The following KCNH8 variants were observed in gnomAD, a reference collection of about 807,000 sequenced individuals.
KCNH8 encodes potassium voltage-gated channel subfamily H member 8.
In KCNH8, 70 loss-of-function variants were observed where a neutral mutation model predicts 103.6. The ratio of observed to expected loss-of-function variants is 0.68; its 90% CI spans 0.56 to 0.82. KCNH8 has a LOEUF of 0.82. KCNH8 is among the 40% of genes least tolerant of loss of function. The probability of loss-of-function intolerance (pLI) is 0.00; values close to 1 mark genes in which losing one functional copy is unlikely to be tolerated. For synonymous variants in KCNH8, 498 were observed against 489.4 expected (o/e 1.02, Z -0.23); for missense variants, 1,217 against 1,329.9 (o/e 0.92, Z 1.32).
chr3:19,223,148 T>A (rs2063894069), intron 1 of KCNH8, among the ~76,000 whole-genome samples: 1 of 152,204 alleles, frequency 6.6e-6, no homozygotes, highest in Admixed American at 6.5e-5. Flanking sequence ...AATTATTATT[T>A]AATACTTGGG....
At chr3:19,436,825 G>T (rs928930037) in intron 7 of KCNH8, among the ~76,000 whole-genome samples, 5 of 152,128 alleles carry the variant, frequency 3.3e-5, no homozygotes, top group African/African-American at 9.7e-5. Context: ...TAAATGATAT[G>T]CAAAGTGATT....
chr3:19,493,461 C>T (rs949316189), intron 11 of KCNH8, among the ~76,000 whole-genome samples: 4 of 152,102 alleles, frequency 2.6e-5, no homozygotes, highest in Admixed American at 6.6e-5. Flanking sequence ...TTTTCCTGTG[C>T]TCTCACACAC....
At chr3:19,364,483 C>T (rs1265224058) in intron 5 of KCNH8, among the ~76,000 whole-genome samples, 1 of 152,104 alleles carries the variant, frequency 6.6e-6, no homozygotes, top group Non-Finnish European at 1.5e-5. Flanking sequence ...TTATATTGAG[C>T]ATTGATCTTT....
At chr3:19,456,729 C>CT (rs747180293) in intron 10 of KCNH8, 39 bp from the exon 11 acceptor site, 56,009 of 977,018 alleles carry the variant, frequency 0.057, no homozygotes, top group Non-Finnish European at 0.062. Flanking sequence ...CCTAAGCTTG[C>CT]TTTTTTTTTT....
chr3:19,167,078 G>A (rs1446089123), intron 1 of KCNH8, among the ~76,000 whole-genome samples: 1 of 152,124 alleles, frequency 6.6e-6, no homozygotes, highest in Non-Finnish European at 1.5e-5. Flanking sequence ...TCCTTTATTT[G>A]TTCCTCATAG....
At chr3:19,452,747 T>G (rs1333378465) in intron 10 of KCNH8, among the ~76,000 whole-genome samples, 4 of 152,208 alleles carry the variant, frequency 2.6e-5, no homozygotes, top group Non-Finnish European at 5.9e-5. Flanking sequence ...CAAGGTCTCA[T>G]TTAAGCCTTT....
chr3:19,292,176 A>T (rs575325865), intron 3 of KCNH8, among the ~76,000 whole-genome samples: 1 of 152,282 alleles, frequency 6.6e-6, no homozygotes, highest in African/African-American at 2.4e-5. Flanking sequence ...TGAGTGTCCC[A>T]GATTTGCTTT....
rs6783272 is a variant in KCNH8, at chr3:19,489,757, A to G, written c.2041-20606A>G. Among the ~76,000 whole-genome samples, 298 of 152,268 alleles carry G rather than the reference A, an allele frequency of 2.0e-3. 1 individual carries two copies. Among genetic ancestry groups the G allele is most frequent in the African/African-American group, 7.0e-3 (289 of 41,548 alleles). On this transcript the variant is annotated intron_variant, in intron 11 of 15. Transcript: ENST00000328405. ...AAAACAAAGAACAGGTAAAGAGGGC[A>G]CACACACACTTTTACAGTTTACACC...
At chr3:19,396,474 A>G (rs149737473) in intron 7 of KCNH8, among the ~76,000 whole-genome samples, 175 of 152,158 alleles carry the variant, frequency 1.2e-3, no homozygotes, top group African/African-American at 3.8e-3. Flanking sequence ...TTTCTGAGCT[A>G]CACAAAACAA....
At chr3:19,280,706 G>C (rs758214321) in intron 2 of KCNH8, among the ~76,000 whole-genome samples, 2 of 152,052 alleles carry the variant, frequency 1.3e-5, no homozygotes, top group Non-Finnish European at 2.9e-5. Context: ...GAGAGTTTAA[G>C]TGGCTGTGCA....
At chr3:19,175,005 A>AT (rs1312893009) in intron 1 of KCNH8, among the ~76,000 whole-genome samples, 1 of 152,086 alleles carries the variant, frequency 6.6e-6, no homozygotes, top group African/African-American at 2.4e-5. Flanking sequence ...ATGAAGTAGT[A>AT]TTTTTTTAAT....
At chr3:19,202,304 T>C (rs1402192585) in intron 1 of KCNH8, among the ~76,000 whole-genome samples, 1 of 152,160 alleles carries the variant, frequency 6.6e-6, no homozygotes, top group Non-Finnish European at 1.5e-5. Flanking sequence ...TGGGTTGGGT[T>C]TGATATATTT....
chr3:19,199,815 T>C (rs1479221153), intron 1 of KCNH8, among the ~76,000 whole-genome samples: 2 of 151,966 alleles, frequency 1.3e-5, no homozygotes, highest in East Asian at 3.9e-4. Context: ...CATGGTAATA[T>C]GTGACATAAA....
At chr3:19,393,753 A>C (rs985548078) in intron 6 of KCNH8, among the ~76,000 whole-genome samples, 1 of 152,164 alleles carries the variant, frequency 6.6e-6, no homozygotes, top group African/African-American at 2.4e-5. Flanking sequence ...AGAATGACAA[A>C]AAGAAATAAA....
chr3:19,451,486 T>G (rs1375816421), intron 10 of KCNH8, 82 bp downstream of exon 10: 14 of 1,272,978 alleles, frequency 1.1e-5, no homozygotes, highest in African/African-American at 1.5e-5. Flanking sequence ...AAAACTGCTA[T>G]TGAGAGTAGG....
chr3:19,338,491 A>C (rs1476030084), intron 3 of KCNH8, among the ~76,000 whole-genome samples: 2 of 152,104 alleles, frequency 1.3e-5, no homozygotes, highest in Non-Finnish European at 2.9e-5. Context: ...TTTTGTGGTG[A>C]AATAATTTTA....
chr3:19,283,381 T>C (rs937496170), intron 3 of KCNH8, among the ~76,000 whole-genome samples: 23 of 152,190 alleles, frequency 1.5e-4, no homozygotes, highest in Non-Finnish European at 7.3e-5. Context: ...AGACTATCTC[T>C]TGCAAGATTT....
At chr3:19,439,740 TATA>T (rs2067251553) in intron 8 of KCNH8, among the ~76,000 whole-genome samples, 1 of 152,046 alleles carries the variant, frequency 6.6e-6, no homozygotes, top group Non-Finnish European at 1.5e-5. Flanking sequence ...TTAGAAAAGA[TATA>T]ATAACAGAGG....
intron 11 of KCNH8, among the ~76,000 whole-genome samples, chr3:19,463,247 T>C (rs1442300130): frequency 6.6e-6 from 1 of 152,144 alleles, no homozygotes; most frequent in African/African-American, 2.4e-5. Flanking sequence ...ACTGTACCTA[T>C]ATAATGATAA....
Sources: gnomAD v4.1 joint callset for allele counts (sites outside exome capture counted in the v4.1 genomes callset) on GRCh38, gnomAD v4.1.1 for gene constraint, MANE v1.5 for transcripts, NCBI Gene and HGNC (gene_info 2026-07-23, HGNC 2026-07-21) for gene names.